EBF1: variants seen among roughly 807,000 people sequenced by gnomAD.
EBF1 encodes the protein EBF transcription factor 1.
Under a neutral mutation model 68.4 loss-of-function variants are expected in EBF1, and 10 were observed. The observed-to-expected ratio is 0.15, with a 90% confidence interval of 0.09 to 0.25. The LOEUF is 0.25. Among genes scored for constraint, EBF1 ranks in the 10% least tolerant of loss-of-function variants. EBF1 has a pLI of 1.00. For missense variants in EBF1, 509 were observed against 794.4 expected (o/e 0.64, Z 4.32); for synonymous variants, 298 against 299.8 (o/e 0.99, Z 0.06).
At chr5:159,032,527 T>C (rs1273890510) in intron 6 of EBF1, among the ~76,000 whole-genome samples, 1 of 152,200 alleles carries the variant, frequency 6.6e-6, no homozygotes, top group Non-Finnish European at 1.5e-5. Context: ...TCTAGCCTCT[T>C]CAACAGATCT....
intron 6 of EBF1, among the ~76,000 whole-genome samples, chr5:158,864,824 C>A (rs186160700): frequency 6.6e-5 from 10 of 152,232 alleles, no homozygotes; most frequent in Middle Eastern, 3.4e-3. Context: ...GCCAGTGTGG[C>A]TGCAGCACAG....
At chr5:158,720,794 G>A (rs1336957243) in intron 11 of EBF1, among the ~76,000 whole-genome samples, 1 of 152,134 alleles carries the variant, frequency 6.6e-6, no homozygotes, top group Non-Finnish European at 1.5e-5. Flanking sequence ...AAATGGAAAG[G>A]AGGAACATAA....
chr5:159,033,799 G>C (rs2127752683), intron 6 of EBF1, among the ~76,000 whole-genome samples: 1 of 152,108 alleles, frequency 6.6e-6, no homozygotes, highest in East Asian at 1.9e-4. Flanking sequence ...TTTTTTTCTG[G>C]AATAAATATC....
intron 9 of EBF1, among the ~76,000 whole-genome samples, chr5:158,778,745 A>G (rs1032807364): frequency 6.6e-6 from 1 of 152,166 alleles, no homozygotes; most frequent in African/African-American, 2.4e-5. Context: ...TTTATATCAA[A>G]TGTTCCTTCT....
At chr5:158,896,218 G>C (rs7736575) in intron 6 of EBF1, among the ~76,000 whole-genome samples, 24,020 of 152,160 alleles carry the variant, frequency 0.16, 1,975 homozygotes, top group Non-Finnish European at 0.19. Flanking sequence ...ATTCGATGTG[G>C]AGAACGGATC....
chr5:159,023,590 A>C (rs919750429), intron 6 of EBF1, among the ~76,000 whole-genome samples: 1 of 152,346 alleles, frequency 6.6e-6, no homozygotes, highest in Non-Finnish European at 1.5e-5. Flanking sequence ...GCAAAGTTAC[A>C]AATCTACATG....
chr5:158,714,283 G>A, intron 11 of EBF1, 101 bp from the exon 12 acceptor site: 18 of 1,384,158 alleles, frequency 1.3e-5, no homozygotes, highest in Non-Finnish European at 1.7e-5. Flanking sequence ...CTTTGCCAAG[G>A]CACTGCTATA....
At chr5:159,087,228 C>T (rs1780798829) in intron 4 of EBF1, among the ~76,000 whole-genome samples, 5 of 149,878 alleles carry the variant, frequency 3.3e-5, no homozygotes, top group African/African-American at 1.2e-4. Flanking sequence ...TAAATAAATT[C>T]ACAGATACTG....
At chr5:158,732,113 G>C (rs1317749381) in intron 10 of EBF1, among the ~76,000 whole-genome samples, 1 of 152,154 alleles carries the variant, frequency 6.6e-6, no homozygotes, top group African/African-American at 2.4e-5. Context: ...TAAGGGGTAG[G>C]TGGGTGTTTT....
intron 6 of EBF1, among the ~76,000 whole-genome samples, chr5:159,014,629 T>A (rs1765317965): frequency 6.6e-6 from 1 of 152,244 alleles, no homozygotes; most frequent in Non-Finnish European, 1.5e-5. Flanking sequence ...CTCTTTCATA[T>A]GAAGTTATAA....
intron 6 of EBF1, among the ~76,000 whole-genome samples, chr5:158,943,365 G>A (rs925905352): frequency 5.3e-5 from 8 of 151,320 alleles, no homozygotes; most frequent in Admixed American, 1.3e-4. Context: ...CACACATTCC[G>A]GAGGCACTGT....
At chr5:158,773,354 G>A (rs776682014) in intron 10 of EBF1, among the ~76,000 whole-genome samples, 5 of 152,106 alleles carry the variant, frequency 3.3e-5, no homozygotes, top group South Asian at 4.1e-4. Context: ...TTCTCATTTC[G>A]AAGTTAGTTC....
chr5:158,993,088 C>T (rs143700677), intron 6 of EBF1, among the ~76,000 whole-genome samples: 108 of 151,680 alleles, frequency 7.1e-4, no homozygotes, highest in Middle Eastern at 3.4e-3. Context: ...GCTGCTACAC[C>T]CAGCTAATTT....
chr5:158,767,276 TA>T (rs1336921774), intron 10 of EBF1, among the ~76,000 whole-genome samples: 1 of 152,166 alleles, frequency 6.6e-6, no homozygotes, highest in African/African-American at 2.4e-5. Context: ...TTTTGTATTT[TA>T]AAAATCTTCC....
At chr5:158,919,109 T>C (rs1440652700) in intron 6 of EBF1, among the ~76,000 whole-genome samples, 1 of 152,210 alleles carries the variant, frequency 6.6e-6, no homozygotes, top group Admixed American at 6.5e-5. Flanking sequence ...GTTTAGCACT[T>C]GTTGGGCCTG....
intron 8 of EBF1, among the ~76,000 whole-genome samples, chr5:158,812,560 C>A (rs534800750): frequency 5.3e-5 from 8 of 152,266 alleles, no homozygotes; most frequent in African/African-American, 1.7e-4. Context: ...AGAGCCACCC[C>A]CTTCCGGAGG....
In EBF1 at chr5:158,978,230, C is replaced by G. The variant is rs577052218; in HGVS notation, c.554+95166G>C. 3.9e-5 allele frequency among the ~76,000 whole-genome samples: 6 copies of G among 152,354 alleles called. No homozygotes were observed. In the East Asian group the frequency reaches 1.2e-3, roughly 29 times the overall value. ...TCACTGCGCCCCGGTGCGCCCTGAC[C>G]CCCGACATGCGGCCGCTGTGAGGCT... is the stretch of plus-strand genomic sequence containing the variant. On this transcript the variant is annotated intron_variant, in intron 6 of 15. Transcript: ENST00000313708.
At chr5:159,044,900 C>T (rs566709732) in intron 6 of EBF1, among the ~76,000 whole-genome samples, 2 of 152,068 alleles carry the variant, frequency 1.3e-5, no homozygotes, top group Admixed American at 1.3e-4. Flanking sequence ...TTTCTATAAA[C>T]AAAACCACAG....
rs969153587 is a variant in EBF1 at position 158,696,399 on chromosome 5, A to G, written c.*2712T>C. ...ATTTTAAAGGCTCTTTGGACTTTCA[A>G]GAAGAGTTCTAACCACTGCACATGG... is the stretch of plus-strand genomic sequence containing the variant. On this transcript the variant is annotated 3_prime_UTR_variant, in exon 16 of 16. Transcript: ENST00000313708. 4.5e-5 allele frequency: 10 copies of G among 222,060 alleles called. No individual in the cohort carries two copies. Among genetic ancestry groups the G allele is most frequent in the African/African-American group, 2.0e-4 (9 of 44,724 alleles). 13.8% of individuals were successfully genotyped at this position (222,060 alleles called of 1,614,324 possible).
Sources: gnomAD v4.1 joint callset for allele counts (sites outside exome capture counted in the v4.1 genomes callset) on GRCh38, gnomAD v4.1.1 for gene constraint, MANE v1.5 for transcripts, NCBI Gene and HGNC (gene_info 2026-07-23, HGNC 2026-07-21) for gene names.